Variants in FSTL5 observed in about 807,000 individuals in gnomAD.
FSTL5 encodes the protein follistatin like 5.
FSTL5 carries 62 observed loss-of-function variants against 89.1 expected under a neutral mutation model. That is an observed-to-expected ratio of 0.70 (90% confidence interval 0.57 to 0.86). FSTL5 has a LOEUF of 0.86. Ranked by LOEUF, FSTL5 falls within the 40% of genes least tolerant of loss-of-function variation. The pLI, the probability that FSTL5 is intolerant of heterozygous loss-of-function variation, is 0.00. For synonymous variants in FSTL5, 383 were observed against 346.2 expected (o/e 1.11, Z -1.18); for missense variants, 1,057 against 1,001.6 (o/e 1.06, Z -0.75).
chr4:162,155,780 G>A (rs890230555), intron 1 of FSTL5, among the ~76,000 whole-genome samples: 1 of 152,180 alleles, frequency 6.6e-6, no homozygotes, highest in Non-Finnish European at 1.5e-5. Context: ...AAGGAACTAT[G>A]TGATGGTTTA....
intron 3 of FSTL5, among the ~76,000 whole-genome samples, chr4:162,025,113 A>G (rs2111169328): frequency 6.6e-6 from 1 of 152,266 alleles, no homozygotes; most frequent in East Asian, 1.9e-4. Flanking sequence ...CATCATGGTA[A>G]AAACAAGATA....
chr4:162,013,146 G>T (rs1736817003), intron 3 of FSTL5, among the ~76,000 whole-genome samples: 1 of 151,378 alleles, frequency 6.6e-6, no homozygotes, highest in Non-Finnish European at 1.5e-5. Flanking sequence ...ATCTTGCACT[G>T]CACATTCCAG....
At chr4:161,860,093 C>T (rs1167988123) in intron 4 of FSTL5, among the ~76,000 whole-genome samples, 1 of 152,060 alleles carries the variant, frequency 6.6e-6, no homozygotes, top group Non-Finnish European at 1.5e-5. Flanking sequence ...TCTAGACCAT[C>T]CTGGCTAGCG....
Position 161,981,843 on chromosome 4 carries a change from G to T in FSTL5, c.160+51782C>A, listed in dbSNP as rs188350162. On this transcript the variant is annotated intron_variant, in intron 3 of 15. Coordinates refer to ENST00000306100, the MANE Select transcript of FSTL5 (RefSeq NM_020116.5). Reference sequence around the variant, plus strand: ...ACATTAAAATAAACTCGTAAAATTAGCATACTACCTTTACATGTTTAAACT... The same window carrying T: ...ACATTAAAATAAACTCGTAAAATTATCATACTACCTTTACATGTTTAAACT... Among the ~76,000 whole-genome samples, 771 of 152,196 alleles carry T rather than the reference G, an allele frequency of 5.1e-3. 7 individuals carry two copies. The highest frequency in any genetic ancestry group is 7.5e-3 in the Non-Finnish European group (509 of 67,988).
intron 3 of FSTL5, among the ~76,000 whole-genome samples, chr4:161,922,930 A>T (rs1001682437): frequency 6.6e-6 from 1 of 151,928 alleles, no homozygotes; most frequent in Admixed American, 6.6e-5. Flanking sequence ...GGAGTCCATT[A>T]GTTTGAAGGT....
intron 8 of FSTL5, among the ~76,000 whole-genome samples, chr4:161,566,135 TACAC>T (rs1553998308): frequency 7.3e-5 from 4 of 55,148 alleles, no homozygotes; most frequent in African/African-American, 1.5e-4. Context: ...TATATATATA[TACAC>T]ACACACACAC....
chr4:161,735,509 TA>T (rs1383773116), intron 6 of FSTL5, among the ~76,000 whole-genome samples: 1 of 152,152 alleles, frequency 6.6e-6, no homozygotes, highest in Non-Finnish European at 1.5e-5. Flanking sequence ...TACATAATTT[TA>T]AAAAACCATG....
intron 10 of FSTL5, among the ~76,000 whole-genome samples, chr4:161,526,248 G>C (rs939003775): frequency 1.9e-4 from 29 of 152,220 alleles, no homozygotes; most frequent in African/African-American, 7.0e-4. Flanking sequence ...TTTATAGTAA[G>C]AAATTATATT....
intron 12 of FSTL5, among the ~76,000 whole-genome samples, chr4:161,490,043 A>G (rs1313174254): frequency 6.6e-6 from 1 of 152,146 alleles, no homozygotes; most frequent in Admixed American, 6.6e-5. Flanking sequence ...GAAAACAGAG[A>G]CATGAATTCT....
intron 2 of FSTL5, among the ~76,000 whole-genome samples, chr4:162,058,891 C>T (rs1413461133): frequency 3.3e-5 from 5 of 152,100 alleles, no homozygotes. Context: ...GAACTAAAGA[C>T]TTTCAATTAT....
chr4:161,853,298 C>G (rs1230426708), intron 4 of FSTL5, among the ~76,000 whole-genome samples: 2 of 152,078 alleles, frequency 1.3e-5, no homozygotes, highest in Non-Finnish European at 2.9e-5. Context: ...GATGAAGTCT[C>G]ACTCTGTTGC....
Position 161,579,025 on chromosome 4 carries a change from A to G in FSTL5, c.1015+8430T>C, listed in dbSNP as rs549563418. Among the ~76,000 whole-genome samples the G allele has an allele frequency of 3.9e-5, 6 of 152,062 alleles. No individual in the cohort carries two copies. The East Asian group carries it at 1.2e-3, about 29-fold the overall frequency. ...AAATTCAGAAATTCAGTTTTACATG[A>G]AAAAATGAGGAGGATCAGAAATGCA... On this transcript the variant is annotated intron_variant, in intron 8 of 15. Transcript: ENST00000306100.
chr4:162,036,259 T>G (rs1737735585), intron 2 of FSTL5, among the ~76,000 whole-genome samples: 1 of 152,120 alleles, frequency 6.6e-6, no homozygotes, highest in Admixed American at 6.6e-5. Flanking sequence ...ATCTGTAATG[T>G]TTCAAACTGA....
chr4:161,649,959 A>G (rs181864709), intron 7 of FSTL5, among the ~76,000 whole-genome samples: 7 of 152,318 alleles, frequency 4.6e-5, no homozygotes, highest in East Asian at 1.9e-4. Flanking sequence ...GATGGAAGCC[A>G]TGGTCTTGGA....
At chr4:161,709,127 G>A (rs1738688659) in intron 6 of FSTL5, among the ~76,000 whole-genome samples, 1 of 152,098 alleles carries the variant, frequency 6.6e-6, no homozygotes, top group African/African-American at 2.4e-5. Flanking sequence ...TATGTTAGTG[G>A]TGCTATTTTT....
intron 2 of FSTL5, among the ~76,000 whole-genome samples, chr4:162,102,937 C>A (rs13151997): frequency 1 from 151,218 of 151,802 alleles, 75,321 homozygotes; most frequent in Middle Eastern, 1. Context: ...TCAAACTTGC[C>A]AAGGAAAGCA....
chr4:161,693,778 A>G (rs978155510), intron 6 of FSTL5, among the ~76,000 whole-genome samples: 2 of 151,382 alleles, frequency 1.3e-5, no homozygotes, highest in Non-Finnish European at 2.9e-5. Flanking sequence ...AGCTGGGACT[A>G]CAGGTGCCAG....
chr4:161,536,649 T>A (rs1041127864), intron 10 of FSTL5, among the ~76,000 whole-genome samples: 1 of 152,160 alleles, frequency 6.6e-6, no homozygotes, highest in African/African-American at 2.4e-5. Flanking sequence ...TTAAACCTTG[T>A]CGAAAATTTA....
chr4:162,107,616 C>T (rs919862318), intron 2 of FSTL5, among the ~76,000 whole-genome samples: 2 of 152,088 alleles, frequency 1.3e-5, no homozygotes, highest in African/African-American at 4.8e-5. Flanking sequence ...ATGAGGACTG[C>T]AACAACCATC....
Sources: gnomAD v4.1 joint callset for allele counts (sites outside exome capture counted in the v4.1 genomes callset) on GRCh38, gnomAD v4.1.1 for gene constraint, MANE v1.5 for transcripts, NCBI Gene and HGNC (gene_info 2026-07-23, HGNC 2026-07-21) for gene names.